The following RGS7 variants were observed in gnomAD, a reference collection of about 807,000 sequenced individuals.
RGS7 encodes the protein regulator of G protein signaling 7.
Under a neutral mutation model 81.1 loss-of-function variants are expected in RGS7, and 27 were observed. The observed-to-expected ratio is 0.33, with a 90% CI of 0.25 to 0.46. The LOEUF (loss-of-function observed/expected upper bound fraction) is 0.46, where lower values mean the gene tolerates loss of function less well. Among genes scored for constraint, RGS7 ranks in the 20% least tolerant of loss-of-function variants. The pLI, the probability that RGS7 is intolerant of heterozygous loss-of-function variation, is 1.00. For synonymous variants in RGS7, 208 were observed against 207.7 expected (o/e 1.00, Z -0.01); for missense variants, 396 against 607.4 (o/e 0.65, Z 3.66).
chr1:241,075,740 G>A (rs1015063724), intron 3 of RGS7, among the ~76,000 whole-genome samples: 1 of 152,180 alleles, frequency 6.6e-6, no homozygotes, highest in Admixed American at 6.5e-5. Flanking sequence ...TTTCTAAAAG[G>A]AAATTTGTTC....
At chr1:241,086,673 C>T (rs1387589790) in intron 3 of RGS7, among the ~76,000 whole-genome samples, 1 of 152,032 alleles carries the variant, frequency 6.6e-6, no homozygotes, top group African/African-American at 2.4e-5. Context: ...TGCTATTTCC[C>T]TGCTCAAAAT....
At chr1:241,017,378 T>A (rs888812408) in intron 3 of RGS7, among the ~76,000 whole-genome samples, 15 of 143,668 alleles carry the variant, frequency 1.0e-4, no homozygotes, top group African/African-American at 3.5e-4. Context: ...GAGGTGGAGT[T>A]GCAGTGAGAC....
chr1:240,793,210 CA>C (rs1686317438), intron 18 of RGS7, among the ~76,000 whole-genome samples: 1 of 152,224 alleles, frequency 6.6e-6, no homozygotes, highest in East Asian at 1.9e-4. Flanking sequence ...TGATACAATT[CA>C]GAGCTCACAG....
At chr1:240,940,896 T>G (rs1259546995) in intron 4 of RGS7, among the ~76,000 whole-genome samples, 1 of 152,226 alleles carries the variant, frequency 6.6e-6, no homozygotes, top group East Asian at 1.9e-4. Flanking sequence ...GCAAAGTGTA[T>G]GTTGGCAGGT....
At chr1:240,853,671 C>T (rs1188123647) in intron 9 of RGS7, among the ~76,000 whole-genome samples, 2 of 151,902 alleles carry the variant, frequency 1.3e-5, no homozygotes. Context: ...TTTGGGAGGC[C>T]GAGGCGGGCT....
intron 6 of RGS7, chr1:240,920,285 G>A: frequency 7.4e-7 from 1 of 1,348,958 alleles, no homozygotes; most frequent in Non-Finnish European, 1.0e-6. Context: ...GTTTTGGTGG[G>A]AATGACAACT....
At chr1:240,801,129 T>C (rs16840663) in intron 17 of RGS7, among the ~76,000 whole-genome samples, 7,703 of 152,106 alleles carry the variant, frequency 0.051, 646 homozygotes, top group African/African-American at 0.18. Context: ...ATACATGCAC[T>C]ATCTTTAATA....
At chr1:241,161,401 T>C (rs956311989) in intron 2 of RGS7, among the ~76,000 whole-genome samples, 20 of 151,494 alleles carry the variant, frequency 1.3e-4, no homozygotes, top group Non-Finnish European at 2.7e-4. Flanking sequence ...CATGACACAT[T>C]AATAATAATA....
intron 3 of RGS7, among the ~76,000 whole-genome samples, chr1:241,022,261 A>G (rs893169168): frequency 6.6e-6 from 1 of 152,176 alleles, no homozygotes; most frequent in African/African-American, 2.4e-5. Context: ...CTTGCTTTTA[A>G]CCTCCAAGCT....
At chr1:241,199,001 A>C (rs1300870910) in intron 2 of RGS7, among the ~76,000 whole-genome samples, 1 of 152,214 alleles carries the variant, frequency 6.6e-6, no homozygotes, top group African/African-American at 2.4e-5. Context: ...AGTTCGGTTT[A>C]TTCCAAGAAT....
intron 2 of RGS7, among the ~76,000 whole-genome samples, chr1:241,312,843 CCAAA>C (rs150245616): frequency 0.15 from 23,344 of 152,084 alleles, 1,878 homozygotes; most frequent in South Asian, 0.21. Context: ...CTAAGATAAG[CCAAA>C]CAGTCAGCCA....
At chr1:241,101,792 G>T (rs1182711691) in intron 2 of RGS7, among the ~76,000 whole-genome samples, 1 of 152,178 alleles carries the variant, frequency 6.6e-6, no homozygotes, top group African/African-American at 2.4e-5. Context: ...ACGGTTTAAA[G>T]CAGGCTGGAT....
At chr1:241,201,882 T>A (rs1031942514) in intron 2 of RGS7, among the ~76,000 whole-genome samples, 3 of 152,058 alleles carry the variant, frequency 2.0e-5, no homozygotes, top group Admixed American at 1.3e-4. Flanking sequence ...TTCTTTATAC[T>A]TCGCAAAATA....
At chr1:241,122,509 A>C (rs560281441) in intron 2 of RGS7, among the ~76,000 whole-genome samples, 1 of 152,014 alleles carries the variant, frequency 6.6e-6, no homozygotes, top group South Asian at 2.1e-4. Context: ...CTAAATATAA[A>C]AAATTAGCCA....
At position 241,301,317 on chromosome 1, in the gene RGS7, T is replaced by C. The variant is rs143123642; in HGVS notation, c.78+54382A>G. 2.6e-3 allele frequency among the ~76,000 whole-genome samples: 403 copies of C among 152,330 alleles called. 4 individuals carry two copies. Among genetic ancestry groups the C allele is most frequent in the African/African-American group, 8.8e-3 (366 of 41,572 alleles). ...AATCAGCATTTACACCCATGCACCT[T>C]AACTACATATATGTAAAAGCATCAA... is the stretch of plus-strand genomic sequence containing the variant. On this transcript the variant is annotated intron_variant, in intron 2 of 18. Transcript: ENST00000440928.
chr1:241,029,653 C>T (rs988791559), intron 3 of RGS7, among the ~76,000 whole-genome samples: 1 of 152,186 alleles, frequency 6.6e-6, no homozygotes, highest in Non-Finnish European at 1.5e-5. Flanking sequence ...TTACCATCAG[C>T]TTTCTCAGCA....
intron 3 of RGS7, among the ~76,000 whole-genome samples, chr1:241,078,781 T>C (rs1242799292): frequency 2.0e-5 from 3 of 152,132 alleles, no homozygotes; most frequent in Non-Finnish European, 2.9e-5. Flanking sequence ...TAAATGCTAG[T>C]AGTTGCTGAC....
chr1:240,874,093 G>A (rs1664948372), intron 6 of RGS7, among the ~76,000 whole-genome samples: 1 of 152,166 alleles, frequency 6.6e-6, no homozygotes, highest in Non-Finnish European at 1.5e-5. Flanking sequence ...CTTCTACCAT[G>A]TGGGGACACA....
intron 4 of RGS7, among the ~76,000 whole-genome samples, chr1:240,961,069 C>A (rs890986649): frequency 6.6e-6 from 1 of 151,740 alleles, no homozygotes; most frequent in Non-Finnish European, 1.5e-5. Flanking sequence ...ATGAATAAGA[C>A]AGCTAATTAT....
Sources: gnomAD v4.1 joint callset for allele counts (sites outside exome capture counted in the v4.1 genomes callset) on GRCh38, gnomAD v4.1.1 for gene constraint, MANE v1.5 for transcripts, NCBI Gene and HGNC (gene_info 2026-07-23, HGNC 2026-07-21) for gene names.